Variants in AGBL4 observed in about 807,000 individuals in gnomAD.
The protein encoded by AGBL4 is AGBL carboxypeptidase 4, also known as cytosolic carboxypeptidase 6.
AGBL4 carries 58 observed loss-of-function variants against 66.4 expected under a neutral mutation model. The ratio of observed to expected loss-of-function variants is 0.87; its 90% CI spans 0.71 to 1.09. The LOEUF is 1.09. AGBL4 is among the 50% of genes least tolerant of loss of function. AGBL4 has a pLI of 0.00. For synonymous variants in AGBL4, 234 were observed against 222.9 expected (o/e 1.05, Z -0.44); for missense variants, 579 against 631.0 (o/e 0.92, Z 0.88).
chr1:49,078,626 C>A (rs757248620), intron 4 of AGBL4, among the ~76,000 whole-genome samples: 27 of 152,316 alleles, frequency 1.8e-4, no homozygotes, highest in Non-Finnish European at 3.7e-4. Flanking sequence ...CTCCCCTAGA[C>A]CACTGCAGAT....
chr1:49,883,651 A>C (rs1004285717), intron 1 of AGBL4, among the ~76,000 whole-genome samples: 5 of 152,076 alleles, frequency 3.3e-5, no homozygotes, highest in African/African-American at 1.2e-4. Flanking sequence ...TTGAATACTA[A>C]CTATTGTTTT....
At position 49,275,953 on chromosome 1, in the gene AGBL4, CA is replaced by C. The variant is rs374173111; in HGVS notation, c.283-30090del. Among the ~76,000 whole-genome samples the C allele has an allele frequency of 1.8e-3, 280 of 152,224 alleles. 2 individuals are homozygous for C. The highest frequency in any genetic ancestry group is 6.4e-3 in the African/African-American group (265 of 41,558). ...GGAAAGCTCACTTGAACATCTCAGT[CA>C]AACTATAACCCAGAAAAATCTGTTA... On this transcript the variant is annotated intron_variant, in intron 3 of 13. Transcript: ENST00000371839.
At chr1:48,993,783 C>A (rs1457477310) in intron 5 of AGBL4, among the ~76,000 whole-genome samples, 1 of 152,130 alleles carries the variant, frequency 6.6e-6, no homozygotes, top group Non-Finnish European at 1.5e-5. Flanking sequence ...GACACAGCAG[C>A]ACTGAGTTCC....
At chr1:49,387,111 A>G (rs1225664571) in intron 3 of AGBL4, among the ~76,000 whole-genome samples, 1 of 151,906 alleles carries the variant, frequency 6.6e-6, no homozygotes, top group Non-Finnish European at 1.5e-5. Flanking sequence ...GTTCTGCTAT[A>G]TATTAGCTGT....
At chr1:48,997,914 G>A (rs1661135185) in intron 5 of AGBL4, among the ~76,000 whole-genome samples, 1 of 152,156 alleles carries the variant, frequency 6.6e-6, no homozygotes, top group Non-Finnish European at 1.5e-5. Context: ...TCCTCAAATA[G>A]ATTGCAAATG....
intron 1 of AGBL4, among the ~76,000 whole-genome samples, chr1:49,972,883 T>C (rs1043614664): frequency 1.3e-5 from 2 of 152,230 alleles, no homozygotes; most frequent in South Asian, 4.1e-4. Context: ...ACTGTACATA[T>C]GTTCTAAATA....
chr1:49,859,752 T>C (rs901923733), intron 1 of AGBL4, among the ~76,000 whole-genome samples: 2 of 151,908 alleles, frequency 1.3e-5, no homozygotes, highest in African/African-American at 2.4e-5. Flanking sequence ...CATCCTAAAG[T>C]TTCTAAACGT....
intron 2 of AGBL4, among the ~76,000 whole-genome samples, chr1:49,839,579 A>C (rs1048800510): frequency 2.0e-5 from 3 of 152,208 alleles, no homozygotes; most frequent in African/African-American, 7.2e-5. Context: ...GCCATGACAG[A>C]TTTTGAGGAA....
At chr1:49,100,550 G>A (rs900483035) in intron 4 of AGBL4, among the ~76,000 whole-genome samples, 1 of 152,204 alleles carries the variant, frequency 6.6e-6, no homozygotes, top group African/African-American at 2.4e-5. Context: ...TGGTAAGACT[G>A]GATAGCTAGT....
At chr1:49,569,038 C>A (rs562904656) in intron 3 of AGBL4, among the ~76,000 whole-genome samples, 2 of 152,298 alleles carry the variant, frequency 1.3e-5, no homozygotes, top group South Asian at 4.1e-4. Context: ...CAATGGAGTA[C>A]TATTCAGCCA....
At chr1:48,861,859 G>C (rs1647500857) in intron 6 of AGBL4, among the ~76,000 whole-genome samples, 1 of 152,196 alleles carries the variant, frequency 6.6e-6, no homozygotes, top group Non-Finnish European at 1.5e-5. Context: ...CTTGGCAGTG[G>C]AGAACTGATT....
At chr1:49,339,624 T>C (rs1000379666) in intron 3 of AGBL4, among the ~76,000 whole-genome samples, 1 of 152,202 alleles carries the variant, frequency 6.6e-6, no homozygotes. Flanking sequence ...GATCATTTAG[T>C]GCTGATGTTT....
At chr1:49,463,109 A>C (rs1646550864) in intron 3 of AGBL4, among the ~76,000 whole-genome samples, 1 of 151,750 alleles carries the variant, frequency 6.6e-6, no homozygotes, top group African/African-American at 2.4e-5. Flanking sequence ...TATTATCTCA[A>C]TTAATGCAAT....
chr1:49,864,531 A>G (rs1646654134), intron 1 of AGBL4, among the ~76,000 whole-genome samples: 1 of 152,140 alleles, frequency 6.6e-6, no homozygotes, highest in Non-Finnish European at 1.5e-5. Context: ...ATGAAGAGTG[A>G]GGAAAAGCAG....
intron 3 of AGBL4, among the ~76,000 whole-genome samples, chr1:49,587,318 G>A (rs199569453): frequency 2.6e-5 from 4 of 150,948 alleles, no homozygotes; most frequent in Admixed American, 6.6e-5. Context: ...GAGAAGAGAA[G>A]AGAAAAGAAA....
At chr1:49,756,417 C>T (rs1255393175) in intron 2 of AGBL4, among the ~76,000 whole-genome samples, 3 of 152,174 alleles carry the variant, frequency 2.0e-5, no homozygotes, top group Non-Finnish European at 2.9e-5. Context: ...ACTAAAATTG[C>T]TCCACAATAG....
chr1:49,451,457 AGGAAGTATATACCATG>A, intron 3 of AGBL4, among the ~76,000 whole-genome samples: 1 of 152,148 alleles, frequency 6.6e-6, no homozygotes, highest in African/African-American at 2.4e-5. Context: ...GAAATTATAA[AGGAAGTATATACCATG>A]GGAGAGGAGG....
chr1:48,609,379 T>C (rs980723676), intron 9 of AGBL4, among the ~76,000 whole-genome samples: 4 of 152,198 alleles, frequency 2.6e-5, no homozygotes, highest in African/African-American at 9.7e-5. Context: ...ATAATGTTTT[T>C]CACTCCAGTC....
intron 11 of AGBL4, among the ~76,000 whole-genome samples, chr1:48,569,664 A>G (rs1453685686): frequency 1.3e-5 from 2 of 152,226 alleles, no homozygotes; most frequent in Non-Finnish European, 2.9e-5. Context: ...CATGAAGTCA[A>G]AAAGCAGTGT....
Sources: allele counts gnomAD v4.1 joint callset (sites outside exome capture counted in the v4.1 genomes callset), GRCh38; gene constraint gnomAD v4.1.1; transcripts MANE v1.5; gene names NCBI Gene and HGNC (gene_info 2026-07-23, HGNC 2026-07-21).